Variants in CPAP observed in about 807,000 individuals in gnomAD.
The protein encoded by CPAP is centrosomal P4.1-associated protein.
At chr13:24,901,476 T>C in the CPAP span, among the ~76,000 whole-genome samples, 1 of 152,324 alleles carries the variant, frequency 6.6e-6, no homozygotes, top group Admixed American at 6.5e-5. Context: ...ACTGGGGCAA[T>C]GGACATTCTT....
At chr13:24,914,524 C>T in the CPAP span, among the ~76,000 whole-genome samples, 2 of 152,198 alleles carry the variant, frequency 1.3e-5, no homozygotes, top group Non-Finnish European at 2.9e-5. Context: ...TCTCTGAGGA[C>T]TCCCTCACCT....
the CPAP span, chr13:24,933,177 C>A: frequency 2.1e-6 from 3 of 1,411,172 alleles, no homozygotes; most frequent in South Asian, 1.2e-5. Context: ...TAAAACATCG[C>A]GCATTCAGGG....
the CPAP span, among the ~76,000 whole-genome samples, chr13:24,923,737 C>G: frequency 6.6e-6 from 1 of 152,194 alleles, no homozygotes. Flanking sequence ...ATTTGGTCCT[C>G]CAAAATTTGT....
At chr13:24,914,819 T>C in the CPAP span, among the ~76,000 whole-genome samples, 5 of 152,000 alleles carry the variant, frequency 3.3e-5, no homozygotes, top group South Asian at 1.0e-3. Context: ...CACGCCATAA[T>C]CCCAGCATTT....
chr13:24,908,012 C>G, the CPAP span: 1 of 1,574,566 alleles, frequency 6.4e-7, no homozygotes, highest in African/African-American at 1.3e-5. Context: ...TCAACACGAA[C>G]AATACCTTTC....
At chr13:24,897,180 T>C in the CPAP span, among the ~76,000 whole-genome samples, 64 of 152,302 alleles carry the variant, frequency 4.2e-4, no homozygotes, top group Non-Finnish European at 8.1e-4. Flanking sequence ...AGACGGAGGT[T>C]GCAGTGAGCT....
the CPAP span, chr13:24,912,917 T>C: frequency 3.7e-6 from 6 of 1,614,204 alleles, no homozygotes; most frequent in Non-Finnish European, 5.1e-6. Context: ...GCTTCCAAAA[T>C]AGGAAATCCA....
chr13:24,916,252 T>C, the CPAP span, among the ~76,000 whole-genome samples: 1 of 152,098 alleles, frequency 6.6e-6, no homozygotes, highest in East Asian at 1.9e-4. Flanking sequence ...TGAAGTGGAA[T>C]AACATCTCAC....
chr13:24,896,994 A>G, the CPAP span, among the ~76,000 whole-genome samples: 1 of 152,246 alleles, frequency 6.6e-6, no homozygotes, highest in East Asian at 1.9e-4. Flanking sequence ...AGATTGTTTA[A>G]AAGAAATTCA....
At chr13:24,896,533 G>A in the CPAP span, among the ~76,000 whole-genome samples, 1 of 152,252 alleles carries the variant, frequency 6.6e-6, no homozygotes, top group South Asian at 2.1e-4. Context: ...AGAGCTAGCA[G>A]CCTGGACTGC....
At chr13:24,931,306 C>CTTTTTTCTTTTTTT in the CPAP span, among the ~76,000 whole-genome samples, 1 of 72,646 alleles carries the variant, frequency 1.4e-5, no homozygotes, top group African/African-American at 6.6e-5. Context: ...TTTCATGTTT[C>CTTTTTTCTTTTTTT]TTTTTTTTTT....
At chr13:24,901,821 G>A in the CPAP span, among the ~76,000 whole-genome samples, 2 of 152,078 alleles carry the variant, frequency 1.3e-5, no homozygotes, top group Admixed American at 1.3e-4. Flanking sequence ...GCAAAACCCC[G>A]TATCTACCAA....
chr13:24,912,375 TTC>T, the CPAP span, among the ~76,000 whole-genome samples: 1 of 152,222 alleles, frequency 6.6e-6, no homozygotes, highest in Non-Finnish European at 1.5e-5. Flanking sequence ...TTTCTTACTT[TTC>T]GCCAAATGAG....
chr13:24,884,634 A>T, the CPAP span, among the ~76,000 whole-genome samples: 1 of 152,136 alleles, frequency 6.6e-6, no homozygotes, highest in Admixed American at 6.5e-5. Context: ...TAATTTTCTC[A>T]TTCCTTTTCC....
chr13:24,889,347 T>C, the CPAP span: 1 of 1,612,318 alleles, frequency 6.2e-7, no homozygotes, highest in Non-Finnish European at 8.5e-7. Flanking sequence ...TCTTGTATTT[T>C]TCTACCTGGG....
the CPAP span, among the ~76,000 whole-genome samples, chr13:24,919,604 A>G: frequency 4.4e-4 from 67 of 152,096 alleles, no homozygotes; most frequent in East Asian, 8.7e-3. Context: ...AATTTTTTGT[A>G]AAGAGTGGTC....
chr13:24,902,583 A>C, the CPAP span, among the ~76,000 whole-genome samples: 2 of 152,354 alleles, frequency 1.3e-5, no homozygotes, highest in East Asian at 1.9e-4. Flanking sequence ...TCTGGAACTT[A>C]GGGGCCAGAT....
chr13:24,883,167 A>C, the CPAP span: 5 of 1,611,600 alleles, frequency 3.1e-6, no homozygotes, highest in Non-Finnish European at 4.2e-6. Context: ...TCATGATCAC[A>C]TGAGGATCGT....
the CPAP span, chr13:24,884,590 T>G: frequency 7.6e-6 from 7 of 923,732 alleles, no homozygotes; most frequent in African/African-American, 9.9e-5. Flanking sequence ...AAAAGATCCT[T>G]TATTTCGTGA....
Sources: gnomAD v4.1 joint callset for allele counts (sites outside exome capture counted in the v4.1 genomes callset) on GRCh38, gnomAD v4.1.1 for gene constraint, MANE v1.5 for transcripts, NCBI Gene and HGNC (gene_info 2026-07-23, HGNC 2026-07-21) for gene names.